The following UNC5B variants were observed in gnomAD, a reference collection of about 807,000 sequenced individuals.
UNC5B encodes the protein unc-5 netrin receptor B.
In UNC5B, 56 loss-of-function variants were observed where a neutral mutation model predicts 103.7. The ratio of observed to expected loss-of-function variants is 0.54; its 90% CI spans 0.44 to 0.67. UNC5B has a LOEUF of 0.67. UNC5B is among the 30% of genes least tolerant of loss of function. The pLI, the probability that UNC5B is intolerant of heterozygous loss-of-function variation, is 0.00. For synonymous variants in UNC5B, 577 were observed against 542.0 expected (o/e 1.06, Z -0.90); for missense variants, 1,194 against 1,284.5 (o/e 0.93, Z 1.08).
chr10:71,213,683 T>TTATTATTAC lies in UNC5B; in HGVS notation c.79+627_79+628insCTATTATTA, dbSNP rs1401698564. Among the ~76,000 whole-genome samples the TTATTATTAC allele has an allele frequency of 6.9e-6, 1 of 145,108 alleles. No homozygotes were observed. The highest frequency in any genetic ancestry group is 1.5e-5 in the Non-Finnish European group (1 of 66,654). On this transcript the variant is annotated intron_variant, in intron 1 of 16. Coordinates refer to ENST00000335350, the MANE Select transcript of UNC5B (RefSeq NM_170744.5). This position sits in a 1 kb window ranked among gnomAD's most constrained non-coding sequence, Gnocchi z 4.1. Reference sequence around the variant, plus strand: ...GCCCGCAGGTCTGGAAGAATTATTATTATTATTATTATTATTATTATTATT... The same window carrying TTATTATTAC: ...GCCCGCAGGTCTGGAAGAATTATTATTATTATTACTATTATTATTATTATTATTATTATT...
intron 1 of UNC5B, among the ~76,000 whole-genome samples, chr10:71,238,397 A>G (rs573189264): frequency 1.2e-4 from 19 of 152,210 alleles, no homozygotes; most frequent in African/African-American, 2.6e-4. Flanking sequence ...CCTGTTCTCA[A>G]TCCTGTCACT....
In UNC5B at chr10:71,222,756, A is replaced by G. The variant is rs529541229; in HGVS notation, c.79+9692A>G. Reference sequence around the variant, plus strand: ...GGCATCCCCAGGGAGTCTTCTGCTGAGATCACCCAGGAGCCTGCAACCCCC... The same window carrying G: ...GGCATCCCCAGGGAGTCTTCTGCTGGGATCACCCAGGAGCCTGCAACCCCC... On this transcript the variant is annotated intron_variant, in intron 1 of 16. Coordinates refer to ENST00000335350, the MANE Select transcript of UNC5B (RefSeq NM_170744.5). Among the ~76,000 whole-genome samples, 3 of 152,294 alleles carry G rather than the reference A, an allele frequency of 2.0e-5. No individual in the cohort carries two copies. The South Asian group carries it at 6.2e-4, about 32-fold the overall frequency.
intron 1 of UNC5B, among the ~76,000 whole-genome samples, chr10:71,249,935 G>T (rs1454064287): frequency 6.6e-6 from 1 of 152,182 alleles, no homozygotes; most frequent in African/African-American, 2.4e-5. Context: ...GTTGGGATGG[G>T]GTGGGGACGT....
In UNC5B at chr10:71,268,976, C is replaced by T. The variant is rs545590899; in HGVS notation, c.80-10845C>T. Among the ~76,000 whole-genome samples, 12 of 152,346 alleles carry T rather than the reference C, an allele frequency of 7.9e-5. No homozygotes were observed. In the South Asian group the frequency reaches 2.5e-3, roughly 32 times the overall value. ...AGCAACCTGAAACGCGTGGCAGGAG[C>T]AGGCAGCCCAGCTGGCCCTCACCCG... On this transcript the variant is annotated intron_variant, in intron 1 of 16. Coordinates refer to ENST00000335350, the MANE Select transcript of UNC5B (RefSeq NM_170744.5).
rs1018219552 is a variant in UNC5B, at chr10:71,297,957, G to A, written c.2539G>A (p.Val847Ile). The stretch of plus-strand genomic sequence containing the variant: ...TCTCTGCTCTGCCCCTGGCAGCACT[G>A]TCACCACCCAGCTGGGACCTTATGC... ...DTLCSAPGST[V>I]TTQLGPYAFK... The change falls in exon 16 of 17, where the codon GTC (valine) becomes ATC (isoleucine). Residue 847 changes from valine (V) to isoleucine (I), a missense_variant. Physicochemically the swap from Val to Ile is conservative, Grantham distance 29. Transcript: ENST00000335350. 5.0e-6 allele frequency: 8 copies of A among 1,613,770 alleles called. No individual in the cohort carries two copies. The highest frequency in any genetic ancestry group is 4.0e-5 in the African/African-American group (3 of 74,934).
chr10:71,286,909 G>C, intron 5 of UNC5B, 40 bp downstream of exon 5: 1 of 1,602,426 alleles, frequency 6.2e-7, no homozygotes, highest in African/African-American at 1.3e-5. Context: ...ACACGGCCAA[G>C]GGAGGGAGGA....
At chr10:71,228,996 A>G (rs1310956686) in intron 1 of UNC5B, among the ~76,000 whole-genome samples, 1 of 152,148 alleles carries the variant, frequency 6.6e-6, no homozygotes, top group Non-Finnish European at 1.5e-5. Flanking sequence ...ACTGGGCCTT[A>G]TCCCCTGCGC....
chr10:71,281,603 G>A (rs191035506), intron 2 of UNC5B, among the ~76,000 whole-genome samples: 16 of 152,330 alleles, frequency 1.1e-4, no homozygotes, highest in Admixed American at 3.9e-4. Flanking sequence ...GCCTCCCAAA[G>A]TGCTGGGATT....
At chr10:71,282,198 TC>T (rs1423252371) in intron 2 of UNC5B, among the ~76,000 whole-genome samples, 2 of 152,186 alleles carry the variant, frequency 1.3e-5, no homozygotes, top group Non-Finnish European at 2.9e-5. Context: ...TGATTCCACT[TC>T]AGCCTCCTAC....
intron 1 of UNC5B, among the ~76,000 whole-genome samples, chr10:71,268,274 CCTT>C (rs1444623580): frequency 2.0e-5 from 3 of 152,270 alleles, no homozygotes; most frequent in Non-Finnish European, 4.4e-5. Context: ...TTTGCCCTCT[CCTT>C]CTCATGCCCA....
intron 1 of UNC5B, among the ~76,000 whole-genome samples, chr10:71,226,456 A>G (rs773222345): frequency 4.6e-5 from 7 of 152,264 alleles, no homozygotes; most frequent in Non-Finnish European, 7.3e-5. Flanking sequence ...CTGAGACCCA[A>G]GATCCCATCC....
chr10:71,264,006 G>A (rs1844470712), intron 1 of UNC5B, among the ~76,000 whole-genome samples: 1 of 152,176 alleles, frequency 6.6e-6, no homozygotes, highest in Admixed American at 6.5e-5. Flanking sequence ...GGGGAATGTT[G>A]AACTAGAAGA....
chr10:71,299,272 T>C lies in UNC5B; in HGVS notation c.2833T>C (p.Cys945Arg). The change falls in exon 17 of 17, where the codon TGC (cysteine) becomes CGC (arginine). Residue 945 changes from cysteine (C) to arginine (R), a missense_variant. By Grantham distance (180) the Cys-to-Arg change is radical (BLOSUM62 -3). Coordinates refer to ENST00000335350, the MANE Select transcript of UNC5B (RefSeq NM_170744.5). ...MLVAVATDGD[C>R] Reference sequence around the variant, plus strand: ...GGTGGCTGTGGCCACCGACGGGGACTGCTGAGCCTCCTGGGACAGCGGGCT... The same window carrying C: ...GGTGGCTGTGGCCACCGACGGGGACCGCTGAGCCTCCTGGGACAGCGGGCT... 6.2e-7 allele frequency: 1 copy of C among 1,613,972 alleles called. No homozygotes were observed. Among genetic ancestry groups the C allele is most frequent in the Non-Finnish European group, 8.5e-7 (1 of 1,180,014 alleles).
rs1845017652 is a variant in UNC5B, at chr10:71,284,632, AG to A, written c.305-86del. On this transcript the variant is annotated intron_variant, in intron 2 of 16. Coordinates refer to ENST00000335350, the MANE Select transcript of UNC5B (RefSeq NM_170744.5). ...AAGGCACTTGGGCAAGAGTGCCAGC[AG>A]GATCCGAGGTGGAAGGCCGGGGGTG... The A allele has an allele frequency of 3.2e-6, 5 of 1,578,178 alleles. No homozygotes were observed. The South Asian group carries it at 3.4e-5, about 11-fold the overall frequency.
chr10:71,235,121 A>G (rs61852796), intron 1 of UNC5B, among the ~76,000 whole-genome samples: 2 of 148,358 alleles, frequency 1.3e-5, no homozygotes, highest in African/African-American at 4.9e-5. Context: ...TCTGCCTCTG[A>G]CAGACATCCC....
At chr10:71,268,334 G>C (rs541873904) in intron 1 of UNC5B, among the ~76,000 whole-genome samples, 1 of 152,300 alleles carries the variant, frequency 6.6e-6, no homozygotes, top group East Asian at 1.9e-4. Flanking sequence ...CTTTTTCTCT[G>C]TCCTTTCTGT....
chr10:71,251,431 AT>A (rs2132270740), intron 1 of UNC5B, among the ~76,000 whole-genome samples: 1 of 152,138 alleles, frequency 6.6e-6, no homozygotes, highest in East Asian at 1.9e-4. Flanking sequence ...GGCAAATTGG[AT>A]TTTCTTCTGG....
In UNC5B at chr10:71,250,118, C is replaced by T. The variant is rs138146739; in HGVS notation, c.80-29703C>T. ...GGTGCTGGGAGCCCATGGCAAACCC[C>T]GCTGGGCCTGAGCCACCTGCCTGCT... On this transcript the variant is annotated intron_variant, in intron 1 of 16. Coordinates refer to ENST00000335350, the MANE Select transcript of UNC5B (RefSeq NM_170744.5). Among the ~76,000 whole-genome samples the T allele has an allele frequency of 5.8e-3, 887 of 152,348 alleles. 8 individuals are homozygous for T. Among genetic ancestry groups the T allele is most frequent in the African/African-American group, 0.02 (837 of 41,578 alleles).
In UNC5B at chr10:71,266,142, C is replaced by T. The variant is rs2132285788; in HGVS notation, c.80-13679C>T. ...AAATCCCTAGAAGGGAACTGACAAACTTAGTGCCTGACATGTACCAGGCTC... is the reference window on the plus strand; with the variant it reads ...AAATCCCTAGAAGGGAACTGACAAATTTAGTGCCTGACATGTACCAGGCTC... On this transcript the variant is annotated intron_variant, in intron 1 of 16. Coordinates refer to ENST00000335350, the MANE Select transcript of UNC5B (RefSeq NM_170744.5). Among the ~76,000 whole-genome samples the T allele has an allele frequency of 1.3e-5, 2 of 152,268 alleles. 1 individual carries two copies. Among genetic ancestry groups the T allele is most frequent in the Middle Eastern group, 6.8e-3 (2 of 294 alleles).
Sources: allele counts gnomAD v4.1 joint callset (sites outside exome capture counted in the v4.1 genomes callset), GRCh38; gene constraint gnomAD v4.1.1; non-coding constraint Gnocchi (gnomAD v3.1); transcripts MANE v1.5; gene names NCBI Gene and HGNC (gene_info 2026-07-23, HGNC 2026-07-21).